Variants in WDR70 observed in about 807,000 individuals in gnomAD.
The protein encoded by WDR70 is WD repeat domain 70.
In WDR70, 53 loss-of-function variants were observed where a neutral mutation model predicts 88.6. The observed-to-expected ratio is 0.60, with a 90% CI of 0.48 to 0.75. The LOEUF is 0.75. Ranked by LOEUF, WDR70 falls within the 30% of genes least tolerant of loss-of-function variation. The probability of loss-of-function intolerance (pLI) is 0.00; values close to 1 mark genes in which losing one functional copy is unlikely to be tolerated. For missense variants in WDR70, 610 were observed against 823.2 expected (o/e 0.74, Z 3.17); for synonymous variants, 280 against 270.0 (o/e 1.04, Z -0.36).
At chr5:37,483,794 G>A (rs190938835) in intron 8 of WDR70, among the ~76,000 whole-genome samples, 5,144 of 150,388 alleles carry the variant, frequency 0.034, 264 homozygotes, top group African/African-American at 0.12. Flanking sequence ...CCTCCCTCCC[G>A]GACGGGGCGG....
chr5:37,464,213 A>G (rs1385728217), intron 7 of WDR70, among the ~76,000 whole-genome samples: 1 of 152,236 alleles, frequency 6.6e-6, no homozygotes, highest in Non-Finnish European at 1.5e-5. Context: ...CACTTCCCCC[A>G]AATGGGAGTA....
chr5:37,392,010 AAAAGAG>A lies in WDR70; in HGVS notation c.187_192del (p.Lys63_Glu64del). On this transcript the variant is annotated inframe_deletion, in exon 4 of 18. Coordinates refer to ENST00000265107, the MANE Select transcript of WDR70 (RefSeq NM_018034.4). ...TTTTAATCTTTTCAGAAGCAAGAGA[AAAAGAG>A]GAAGAAATGAACAGAGAGAAAGAAT... 1 of 1,597,980 alleles carries A rather than the reference AAAAGAG, an allele frequency of 6.3e-7. No homozygotes were observed. The highest frequency in any genetic ancestry group is 8.5e-7 in the Non-Finnish European group (1 of 1,176,340).
chr5:37,576,896 A>G (rs1743077232), intron 9 of WDR70, among the ~76,000 whole-genome samples: 1 of 152,192 alleles, frequency 6.6e-6, no homozygotes, highest in African/African-American at 2.4e-5. Context: ...GCTAGGCTAA[A>G]GACAGGGAGT....
Position 37,435,124 on chromosome 5 carries a change from A to G in WDR70, c.493-2798A>G, listed in dbSNP as rs116788621. Among the ~76,000 whole-genome samples, 193 of 152,338 alleles carry G rather than the reference A, an allele frequency of 1.3e-3. 1 individual carries two copies. Among genetic ancestry groups the G allele is most frequent in the African/African-American group, 4.5e-3 (188 of 41,580 alleles). On this transcript the variant is annotated intron_variant, in intron 5 of 17. Coordinates refer to ENST00000265107, the MANE Select transcript of WDR70 (RefSeq NM_018034.4). The stretch of plus-strand genomic sequence containing the variant: ...TTTAAATGGTTAATTCACTCCTAAT[A>G]TAAATACTAAGTTGTGTGTCCTTGT...
At chr5:37,631,603 T>C (rs559234508) in intron 10 of WDR70, among the ~76,000 whole-genome samples, 36 of 152,258 alleles carry the variant, frequency 2.4e-4, no homozygotes, top group African/African-American at 8.7e-4. Flanking sequence ...GATTCAGTAA[T>C]TTACCTAAGG....
At chr5:37,730,233 A>G (rs1748105115) in intron 17 of WDR70, among the ~76,000 whole-genome samples, 1 of 152,280 alleles carries the variant, frequency 6.6e-6, no homozygotes, top group Admixed American at 6.5e-5. Context: ...TTTCTTCATT[A>G]ACATTTTAGT....
intron 17 of WDR70, among the ~76,000 whole-genome samples, chr5:37,751,351 A>G (rs1748801506): frequency 6.6e-6 from 1 of 152,228 alleles, no homozygotes; most frequent in Non-Finnish European, 1.5e-5. Context: ...AAGAAGTTTA[A>G]CCAACTGGGT....
In WDR70 at chr5:37,479,909, G is replaced by A. The variant is rs1236939946; in HGVS notation, c.762G>A (p.Lys254=). 4 of 1,614,038 alleles carry A rather than the reference G, an allele frequency of 2.5e-6. No individual in the cohort carries two copies. The African/African-American group carries it at 5.3e-5, about 22-fold the overall frequency. ...TTGTATCTGGAAGCTCTCAGGCCAA[G>A]GTGATTGACAGAGATGGTTTTGAAG... ...ILVVSGSSQA[K]VIDRDGFEVM... The change falls in exon 8 of 18, where the codon AAG becomes AAA. Residue 254 remains lysine, a synonymous_variant. Coordinates refer to ENST00000265107, the MANE Select transcript of WDR70 (RefSeq NM_018034.4).
chr5:37,464,515 T>C (rs1011418275), intron 7 of WDR70, among the ~76,000 whole-genome samples: 1 of 151,996 alleles, frequency 6.6e-6, no homozygotes, highest in African/African-American at 2.4e-5. Flanking sequence ...GATTGGCTAG[T>C]AAAAAGTAAA....
At chr5:37,603,816 A>G (rs1561919394) in intron 9 of WDR70, among the ~76,000 whole-genome samples, 1 of 152,224 alleles carries the variant, frequency 6.6e-6, no homozygotes, top group Admixed American at 6.5e-5. Context: ...TTATAAAAAT[A>G]TGATAGCAAT....
At chr5:37,392,196 A>AT in intron 4 of WDR70, 76 bp downstream of exon 4, 4 of 1,308,452 alleles carry the variant, frequency 3.1e-6, no homozygotes, top group East Asian at 2.6e-5. Context: ...TTTTTTTTTA[A>AT]TTTTTTTGAG....
chr5:37,480,917 A>G (rs1251366357), intron 8 of WDR70, among the ~76,000 whole-genome samples: 1 of 152,240 alleles, frequency 6.6e-6, no homozygotes, highest in Non-Finnish European at 1.5e-5. Context: ...ATAAACAGGG[A>G]TACAGGCTTT....
rs1581528945 is a variant in WDR70 at position 37,724,969 on chromosome 5, C to T, written c.1633C>T (p.Arg545Trp). 7 of 1,613,680 alleles carry T rather than the reference C, an allele frequency of 4.3e-6. No homozygotes were observed. Among genetic ancestry groups the T allele is most frequent in the South Asian group, 1.1e-5 (1 of 91,070 alleles). Residue 545 changes from arginine (R) to tryptophan (W), a missense_variant, in exon 16 of 18, where the codon CGG becomes TGG. Coordinates refer to ENST00000265107, the MANE Select transcript of WDR70 (RefSeq NM_018034.4). ...GCCTATGTTCCGTGAGCCCCGCCAA[C>T]GGAGTACAAGGAAACAGCTGGAGAA... ...ALPMFREPRQ[R>W]STRKQLEKDR...
At chr5:37,522,159 T>C (rs1741113803) in intron 9 of WDR70, among the ~76,000 whole-genome samples, 1 of 152,140 alleles carries the variant, frequency 6.6e-6, no homozygotes, top group African/African-American at 2.4e-5. Context: ...TTTTGGCCAT[T>C]TATATATCTT....
chr5:37,641,029 CTT>C (rs1454982351), intron 10 of WDR70, among the ~76,000 whole-genome samples: 1 of 152,190 alleles, frequency 6.6e-6, no homozygotes, highest in Non-Finnish European at 1.5e-5. Flanking sequence ...TGCTGTGGGT[CTT>C]TGGAACTATT....
chr5:37,533,718 A>G (rs569459625), intron 9 of WDR70, among the ~76,000 whole-genome samples: 7 of 152,014 alleles, frequency 4.6e-5, no homozygotes, highest in Non-Finnish European at 1.0e-4. Context: ...TCCTAGTCCA[A>G]TGGAGTTATA....
At chr5:37,746,990 T>A (rs943689918) in intron 17 of WDR70, among the ~76,000 whole-genome samples, 8 of 152,148 alleles carry the variant, frequency 5.3e-5, no homozygotes, top group Admixed American at 5.2e-4. Context: ...CAGGCCAATG[T>A]CCCTGATGAA....
chr5:37,721,185 A>G lies in WDR70; in HGVS notation c.1487A>G (p.Lys496Arg). ...GTTGGAACTGGAAATGGATTGGCTAAAGTCTATTACGACCCCAACAAGAGT... is the reference window on the plus strand; with the variant it reads ...GTTGGAACTGGAAATGGATTGGCTAGAGTCTATTACGACCCCAACAAGAGT... ...IMVGTGNGLA[K>R]VYYDPNKSQR... is the part of the protein sequence containing the mutation. Residue 496 changes from lysine to arginine, a missense_variant, in exon 14 of 18, where the codon AAA becomes AGA. By Grantham distance (26) the Lys-to-Arg change is conservative. Transcript: ENST00000265107. The G allele has an allele frequency of 6.2e-7, 1 of 1,613,706 alleles. No homozygotes were observed. Among genetic ancestry groups the G allele is most frequent in the East Asian group, 2.2e-5 (1 of 44,874 alleles).
intron 7 of WDR70, among the ~76,000 whole-genome samples, chr5:37,452,109 T>C (rs1738694689): frequency 6.6e-6 from 1 of 152,216 alleles, no homozygotes; most frequent in Admixed American, 6.5e-5. Context: ...TAGTTTCTGA[T>C]TGTAACACCC....
Sources: allele counts gnomAD v4.1 joint callset (sites outside exome capture counted in the v4.1 genomes callset), GRCh38; gene constraint gnomAD v4.1.1; transcripts MANE v1.5; gene names NCBI Gene and HGNC (gene_info 2026-07-23, HGNC 2026-07-21).